Variants in KANSL1L observed in about 807,000 individuals in gnomAD.
KANSL1L encodes the protein KAT8 regulatory NSL complex subunit 1 like.
A neutral mutation model predicts 108.6 loss-of-function variants in KANSL1L; 25 were observed. The ratio of observed to expected loss-of-function variants is 0.23; its 90% CI spans 0.17 to 0.32. KANSL1L has a LOEUF of 0.32. KANSL1L is among the 10% of genes least tolerant of loss of function. KANSL1L has a pLI of 1.00. For synonymous variants in KANSL1L, 405 were observed against 395.1 expected (o/e 1.03, Z -0.30); for missense variants, 1,137 against 1,125.7 (o/e 1.01, Z -0.14).
At chr2:210,132,263 C>T (rs149858433) in intron 2 of KANSL1L, among the ~76,000 whole-genome samples, 354 of 152,238 alleles carry the variant, frequency 2.3e-3, no homozygotes, top group African/African-American at 8.0e-3. Context: ...ACATAACTTA[C>T]AGTGTAACCA....
At chr2:210,086,852 A>T (rs1180529848) in intron 5 of KANSL1L, among the ~76,000 whole-genome samples, 2 of 152,036 alleles carry the variant, frequency 1.3e-5, no homozygotes, top group Admixed American at 6.6e-5. Flanking sequence ...ATAAAGCTAT[A>T]ATAAGCATGC....
rs2093976366 is a variant in KANSL1L, at chr2:210,028,944, C to T, written c.2297G>A (p.Ser766Asn). 2.5e-6 allele frequency: 4 copies of T among 1,610,922 alleles called. No homozygotes were observed. The highest frequency in any genetic ancestry group is 1.7e-6 in the Non-Finnish European group (2 of 1,177,978). Residue 766 changes from serine to asparagine, a missense_variant, in exon 11 of 15, where the codon AGT becomes AAT. Transcript: ENST00000281772. ...SRNTARRRLR[S>N]ESSYDIDNIV... ...GTTATCTATGTCATAAGAGCTCTCACTTCTCAATCTCCGTCGTGCAGTATT... is the reference window on the plus strand; with the variant it reads ...GTTATCTATGTCATAAGAGCTCTCATTTCTCAATCTCCGTCGTGCAGTATT...
intron 2 of KANSL1L, among the ~76,000 whole-genome samples, chr2:210,135,139 G>T (rs747465967): frequency 5.9e-5 from 9 of 151,950 alleles, no homozygotes; most frequent in South Asian, 4.2e-4. Flanking sequence ...AATTTTCCTT[G>T]TCCTTTATAC....
At chr2:210,085,681 A>G (rs2094630640) in intron 5 of KANSL1L, among the ~76,000 whole-genome samples, 1 of 151,964 alleles carries the variant, frequency 6.6e-6, no homozygotes. Context: ...TTTCTATAAA[A>G]TCATACTGTA....
At chr2:210,090,080 T>A (rs1002097479) in intron 5 of KANSL1L, among the ~76,000 whole-genome samples, 5 of 152,194 alleles carry the variant, frequency 3.3e-5, no homozygotes, top group Admixed American at 2.0e-4. Context: ...CTATCTAAGA[T>A]AAGAAATAAA....
chr2:210,029,502 T>TTACTAATGA (rs1489337564), intron 10 of KANSL1L, among the ~76,000 whole-genome samples: 3 of 152,088 alleles, frequency 2.0e-5, no homozygotes, highest in Admixed American at 2.0e-4. Flanking sequence ...AAGAAAGTCC[T>TTACTAATGA]GAATTCTCAT....
Position 210,025,189 on chromosome 2 carries a change from A to G in KANSL1L, c.2479T>C (p.Ser827Pro), listed in dbSNP as rs1454452723. ...EIEDLSDEVF[S>P]LRHKKYEERE... ...TCTTCATATTTTTTGTGCCTTAGGG[A>G]GAAGACTTCATCAGAAAGATCTTCT... The change falls in exon 13 of 15, where the codon TCC (serine) becomes CCC (proline). Residue 827 changes from serine (S) to proline (P), a missense_variant. Physicochemically the swap from Ser to Pro is moderately conservative, Grantham distance 74. This residue lies in a region of KANSL1L where 575 missense variants were observed against 567.1 expected (regional missense o/e 1.01). Coordinates refer to ENST00000281772, the MANE Select transcript of KANSL1L (RefSeq NM_152519.4). 1 of 1,604,394 alleles carries G rather than the reference A, an allele frequency of 6.2e-7. No homozygotes were observed. Among genetic ancestry groups the G allele is most frequent in the South Asian group, 1.1e-5 (1 of 90,868 alleles).
intron 1 of KANSL1L, among the ~76,000 whole-genome samples, chr2:210,167,780 T>G (rs986280474): frequency 2.6e-5 from 4 of 152,146 alleles, no homozygotes; most frequent in Middle Eastern, 3.4e-3. Flanking sequence ...GAAATGTTTC[T>G]AAGAACCTAA....
At chr2:210,132,944 A>G (rs911164443) in intron 2 of KANSL1L, among the ~76,000 whole-genome samples, 1 of 152,172 alleles carries the variant, frequency 6.6e-6, no homozygotes, top group African/African-American at 2.4e-5. Flanking sequence ...CAAGTTTTCT[A>G]TGTGGGAAAG....
At chr2:210,121,166 T>C (rs900337797) in intron 3 of KANSL1L, among the ~76,000 whole-genome samples, 1 of 152,112 alleles carries the variant, frequency 6.6e-6, no homozygotes, top group East Asian at 1.9e-4. Flanking sequence ...AAGGAATATA[T>C]ATCATTCTAT....
chr2:210,075,442 G>T, intron 6 of KANSL1L, 110 bp downstream of exon 6: 1 of 690,566 alleles, frequency 1.4e-6, no homozygotes. Context: ...TTTTCTACAT[G>T]TAATTATTCA....
chr2:210,154,574 T>C lies in KANSL1L; in HGVS notation c.9A>G (p.Pro3=). The C allele has an allele frequency of 6.6e-7, 1 of 1,511,842 alleles. No homozygotes were observed. Among genetic ancestry groups the C allele is most frequent in the Non-Finnish European group, 8.8e-7 (1 of 1,130,364 alleles). 93.7% of individuals were successfully genotyped at this position (1,511,842 alleles called of 1,614,324 possible). ...CCTTTGCTGTTGCCTCCCTCAGAGC[T>C]GGGGTCATGGCGATTCCTGTAGATA... MT[P]ALREATAKGI... The change falls in exon 2 of 15, where the codon CCA becomes CCG. Residue 3 remains proline (P), a synonymous_variant. Transcript: ENST00000281772.
chr2:210,114,577 T>G (rs2094936971), intron 3 of KANSL1L, among the ~76,000 whole-genome samples: 1 of 152,192 alleles, frequency 6.6e-6, no homozygotes, highest in African/African-American at 2.4e-5. Flanking sequence ...AGTATTATTG[T>G]AACACTAGTT....
chr2:210,158,927 C>T (rs369154586), intron 1 of KANSL1L, among the ~76,000 whole-genome samples: 14 of 152,140 alleles, frequency 9.2e-5, no homozygotes, highest in African/African-American at 1.4e-4. Context: ...CCACTTCTGA[C>T]GACCTCCATA....
chr2:210,052,331 T>G (rs895637715), intron 6 of KANSL1L, among the ~76,000 whole-genome samples: 18 of 152,186 alleles, frequency 1.2e-4, no homozygotes, highest in African/African-American at 2.9e-4. Flanking sequence ...GGCACTTTTT[T>G]TTTGTTTGTT....
At chr2:210,051,403 G>T (rs890118336) in intron 6 of KANSL1L, among the ~76,000 whole-genome samples, 1 of 152,026 alleles carries the variant, frequency 6.6e-6, no homozygotes, top group African/African-American at 2.4e-5. Context: ...TGTTTCCATA[G>T]TAGTCATATA....
Position 210,029,877 on chromosome 2 carries a change from C to G in KANSL1L, c.2197G>C (p.Glu733Gln), listed in dbSNP as rs1476641981. Residue 733 changes from glutamate (E) to glutamine (Q), a missense_variant, in exon 10 of 15, where the codon GAA (glutamate) becomes CAA (glutamine). Glu to Gln is a conservative substitution (Grantham distance 29). Coordinates refer to ENST00000281772, the MANE Select transcript of KANSL1L (RefSeq NM_152519.4). ...GTAAAATTGCTATGGGATCCTGATT[C>G]TGTGTGTTGAAAATCAGATTCTTCA... The part of the protein sequence containing the change: ...KLEESDFQHT[E>Q]SGSHSNFTAV... The G allele has an allele frequency of 6.2e-6, 10 of 1,606,168 alleles. No homozygotes were observed. Among genetic ancestry groups the G allele is most frequent in the Admixed American group, 1.7e-5 (1 of 59,318 alleles).
At chr2:210,033,342 G>A (rs1166892672) in intron 8 of KANSL1L, among the ~76,000 whole-genome samples, 2 of 152,210 alleles carry the variant, frequency 1.3e-5, no homozygotes, top group African/African-American at 4.8e-5. Flanking sequence ...CTAGAATTGT[G>A]AGAGGTGGAT....
At chr2:210,165,573 C>A (rs987845183) in intron 1 of KANSL1L, among the ~76,000 whole-genome samples, 27 of 151,916 alleles carry the variant, frequency 1.8e-4, no homozygotes, top group African/African-American at 6.5e-4. Flanking sequence ...ACAATTTAAT[C>A]CAAAGAACAA....
Sources: gnomAD v4.1 joint callset for allele counts (sites outside exome capture counted in the v4.1 genomes callset) on GRCh38, gnomAD v4.1.1 for gene constraint, gnomAD v4.1.1 regional missense constraint, MANE v1.5 for transcripts, NCBI Gene and HGNC (gene_info 2026-07-23, HGNC 2026-07-21) for gene names.